Variants in DLGAP5 observed in about 807,000 individuals in gnomAD.
DLGAP5 encodes DLG associated protein 5, also known as disks large-associated protein 5.
Under a neutral mutation model 99.6 loss-of-function variants are expected in DLGAP5, and 90 were observed. That is an observed-to-expected ratio of 0.90 (90% CI 0.76 to 1.08). The LOEUF (loss-of-function observed/expected upper bound fraction) is 1.08, where lower values mean the gene tolerates loss of function less well. Ranked by LOEUF, DLGAP5 falls within the 50% of genes least tolerant of loss-of-function variation. The probability of loss-of-function intolerance (pLI) is 0.00; values close to 1 mark genes in which losing one functional copy is unlikely to be tolerated. For missense variants in DLGAP5, 1,036 were observed against 983.5 expected, an observed-to-expected ratio of 1.05 and a Z score of -0.71; for synonymous variants, 311 against 321.3, an observed-to-expected ratio of 0.97 and a Z score of 0.34.
intron 5 of DLGAP5, 49 bp downstream of exon 5, chr14:55,181,164 A>G: frequency 5.9e-6 from 9 of 1,532,842 alleles, no homozygotes; most frequent in Non-Finnish European, 8.0e-6. Context: ...AAAAAAAATT[A>G]TGGCTGTGGT....
intron 14 of DLGAP5, among the ~76,000 whole-genome samples, chr14:55,157,785 T>C (rs1314597172): frequency 6.6e-6 from 1 of 152,224 alleles, no homozygotes; most frequent in African/African-American, 2.4e-5. Flanking sequence ...TTTTTAGAGA[T>C]GGAGTCTTGC....
chr14:55,185,562 C>T (rs182328288), intron 2 of DLGAP5, among the ~76,000 whole-genome samples: 2 of 152,286 alleles, frequency 1.3e-5, no homozygotes, highest in East Asian at 3.9e-4. Context: ...TCTTGGCTCA[C>T]TGCAACCTCC....
rs1463258908 is a variant in DLGAP5, at chr14:55,152,014, T to C, written c.2122-73A>G. 5 of 1,447,640 alleles carry C rather than the reference T, an allele frequency of 3.5e-6. No homozygotes were observed. The East Asian group carries it at 9.4e-5, about 27-fold the overall frequency. 89.7% of individuals were successfully genotyped at this position (1,447,640 alleles called of 1,614,324 possible). A position where few individuals can be genotyped will look rare whatever the true frequency, so the allele number is the denominator to read the frequency against. ...GAACAAATTTTAAAAGTCTTGTTGC[T>C]ATTAAATACAAGAAAAACAGAAGGA... On this transcript the variant is annotated intron_variant, in intron 16 of 18. Transcript: ENST00000247191.
chr14:55,163,903 C>A (rs1882539019), intron 12 of DLGAP5, among the ~76,000 whole-genome samples: 1 of 152,166 alleles, frequency 6.6e-6, no homozygotes, highest in South Asian at 2.1e-4. Flanking sequence ...GTTTTAAGAG[C>A]TCTTTGTATC....
In DLGAP5 at chr14:55,175,937, A is replaced by G. The variant is rs761401973; in HGVS notation, c.1131T>C (p.Asn377=). ...GAGGACCCAAAGGACATGGCAATTT[A>G]TTTGAATCTTGCTGTATTGTCTTGG... The part of the protein sequence containing the change: ...YSTKTIQQDS[N]KLPCPLGPLT... Residue 377 remains asparagine (N), a synonymous_variant, in exon 9 of 19, where the codon AAT becomes AAC. Coordinates refer to ENST00000247191, the MANE Select transcript of DLGAP5 (RefSeq NM_014750.5). The G allele has an allele frequency of 1.9e-6, 3 of 1,610,156 alleles. No homozygotes were observed. Among genetic ancestry groups the G allele is most frequent in the Non-Finnish European group, 2.5e-6 (3 of 1,177,520 alleles).
chr14:55,184,045 C>T (rs753971189), intron 2 of DLGAP5, among the ~76,000 whole-genome samples: 10 of 151,880 alleles, frequency 6.6e-5, no homozygotes, highest in African/African-American at 1.7e-4. Flanking sequence ...CCCAGCTATT[C>T]GGGAGGTTGA....
intron 14 of DLGAP5, 87 bp downstream of exon 14, chr14:55,158,434 AC>A (rs1268241628): frequency 6.4e-6 from 7 of 1,095,994 alleles, no homozygotes; most frequent in Non-Finnish European, 9.0e-6. Context: ...ACTATTTTTC[AC>A]CTTACACAAG....
chr14:55,188,865 T>C, intron 2 of DLGAP5, 77 bp downstream of exon 2: 1 of 1,081,910 alleles, frequency 9.2e-7, no homozygotes, highest in Non-Finnish European at 1.3e-6. Flanking sequence ...TGGCCAGAGT[T>C]TTTTACTCAC....
chr14:55,158,621 A>G lies in DLGAP5; in HGVS notation c.1774T>C (p.Cys592Arg), dbSNP rs1341446458. The change falls in exon 14 of 19, where the codon TGT becomes CGT. Residue 592 changes from cysteine (C) to arginine (R), a missense_variant. Cys to Arg is a radical substitution (Grantham distance 180). Coordinates refer to ENST00000247191, the MANE Select transcript of DLGAP5 (RefSeq NM_014750.5). ...ATCACAGAAACTGCTGTTTCAGCAC[A>G]TTCTTCCTGCCTAATTCTCTCTCTC... is the stretch of plus-strand genomic sequence containing the variant. ...AMRERIRQEE[C>R]AETAVSVIPK... is the part of the protein sequence containing the mutation. The G allele has an allele frequency of 1.9e-6, 3 of 1,614,090 alleles. No individual in the cohort carries two copies. The East Asian group carries it at 6.7e-5, about 36-fold the overall frequency.
rs761004521 is a variant in DLGAP5, at chr14:55,179,597, C to A, written c.774+32G>T. The A allele has an allele frequency of 5.1e-6, 8 of 1,553,890 alleles. No homozygotes were observed. The East Asian group carries it at 1.8e-4, about 35-fold the overall frequency. On this transcript the variant is annotated intron_variant, in intron 7 of 18. Transcript: ENST00000247191. ...GAAAGTAGCAATGAGATTTTCAAAG[C>A]ATCTAGAATTAAAAAGATGTTTATT...
intron 7 of DLGAP5, among the ~76,000 whole-genome samples, chr14:55,177,780 G>A (rs886575559): frequency 2.6e-5 from 4 of 151,266 alleles, no homozygotes; most frequent in East Asian, 2.0e-4. Flanking sequence ...CTCGTCATCC[G>A]CCCGCCTAGG....
Position 55,183,761 on chromosome 14 carries a change from GA to G in DLGAP5, c.239-9del, listed in dbSNP as rs766248952. On this transcript the variant is annotated splice_polypyrimidine_tract_variant and intron_variant, in intron 2 of 18. Coordinates refer to ENST00000247191, the MANE Select transcript of DLGAP5 (RefSeq NM_014750.5). ...GAATAGTTTTCATTGCCCCTAGGCA[GA>G]AAAAAAACCAAAACCACACAGTATA... 4.5e-6 allele frequency: 7 copies of G among 1,547,188 alleles called. No individual in the cohort carries two copies. Among genetic ancestry groups the G allele is most frequent in the Middle Eastern group, 1.8e-4 (1 of 5,518 alleles).
At chr14:55,165,752 A>C (rs1416034330) in intron 12 of DLGAP5, among the ~76,000 whole-genome samples, 1 of 152,196 alleles carries the variant, frequency 6.6e-6, no homozygotes, top group African/African-American at 2.4e-5. Context: ...ATCAACAATA[A>C]AATAGAACAA....
chr14:55,183,217 C>A (rs1346097515), intron 3 of DLGAP5, among the ~76,000 whole-genome samples: 1 of 152,168 alleles, frequency 6.6e-6, no homozygotes, highest in Admixed American at 6.5e-5. Flanking sequence ...AGACTAAAAT[C>A]TTTAGGGCTA....
chr14:55,167,064 G>A (rs889528461), intron 12 of DLGAP5, among the ~76,000 whole-genome samples: 4 of 151,850 alleles, frequency 2.6e-5, no homozygotes, highest in African/African-American at 7.3e-5. Flanking sequence ...AGACAAGCCT[G>A]ACCAACATGG....
intron 10 of DLGAP5, among the ~76,000 whole-genome samples, chr14:55,174,380 G>T (rs1195033079): frequency 4.6e-5 from 7 of 152,110 alleles, no homozygotes; most frequent in African/African-American, 7.2e-5. Flanking sequence ...ATTTCGCCCT[G>T]GTCCCGTGAT....
At chr14:55,166,707 C>G (rs2140314741) in intron 12 of DLGAP5, among the ~76,000 whole-genome samples, 1 of 150,302 alleles carries the variant, frequency 6.7e-6, no homozygotes, top group East Asian at 2.0e-4. Context: ...CCAGTCTGGG[C>G]AACAAGAGTG....
In DLGAP5 at chr14:55,169,390, A is replaced by C. The variant is rs757050175; in HGVS notation, c.1548+9T>G. 2 of 1,484,466 alleles carry C rather than the reference A, an allele frequency of 1.3e-6. No individual in the cohort carries two copies. Among genetic ancestry groups the C allele is most frequent in the South Asian group, 2.9e-5 (2 of 68,826 alleles). The allele number at this position is 1,484,466 out of a possible 1,614,324, so 92.0% of individuals were successfully genotyped here. A position where few individuals can be genotyped will look rare whatever the true frequency, so the allele number is the denominator to read the frequency against. On this transcript the variant is annotated intron_variant, in intron 12 of 18. Transcript: ENST00000247191. Reference sequence around the variant, plus strand: ...TAAGTTAATATATTTGAAATATTGAACCACATACCTGAAAACTAACCATAT... The same window carrying C: ...TAAGTTAATATATTTGAAATATTGACCCACATACCTGAAAACTAACCATAT...
intron 11 of DLGAP5, among the ~76,000 whole-genome samples, chr14:55,170,156 A>T (rs1022482356): frequency 9.3e-5 from 14 of 151,202 alleles, no homozygotes; most frequent in South Asian, 2.1e-4. Context: ...AATAATAAAT[A>T]AATTAAAAAA....
Sources: allele counts gnomAD v4.1 joint callset (sites outside exome capture counted in the v4.1 genomes callset), GRCh38; gene constraint gnomAD v4.1.1; transcripts MANE v1.5; gene names NCBI Gene and HGNC (gene_info 2026-07-23, HGNC 2026-07-21).